KCNK13: variants seen among roughly 807,000 people sequenced by gnomAD.
The protein encoded by KCNK13 is potassium channel subfamily K member 13.
Under a neutral mutation model 23.4 loss-of-function variants are expected in KCNK13, and 12 were observed. The ratio of observed to expected loss-of-function variants is 0.51; its 90% CI spans 0.33 to 0.83. The LOEUF (loss-of-function observed/expected upper bound fraction) is 0.83. Among genes scored for constraint, KCNK13 ranks in the 40% least tolerant of loss-of-function variants. The pLI is 0.02. For missense variants in KCNK13, 463 were observed against 556.3 expected, an observed-to-expected ratio of 0.83 and a Z score of 1.69; for synonymous variants, 231 against 229.5, an observed-to-expected ratio of 1.01 and a Z score of -0.06.
intron 1 of KCNK13, among the ~76,000 whole-genome samples, chr14:90,087,127 TAC>T (rs1188080349): frequency 2.7e-3 from 231 of 85,900 alleles, no homozygotes; most frequent in Middle Eastern, 0.02. Context: ...CATATATATA[TAC>T]ATATATATAT....
intron 1 of KCNK13, among the ~76,000 whole-genome samples, chr14:90,103,009 C>T (rs1889500284): frequency 6.6e-6 from 1 of 152,170 alleles, no homozygotes; most frequent in African/African-American, 2.4e-5. Context: ...TTAGCTCCCA[C>T]TTATAAGTGA....
intron 1 of KCNK13, among the ~76,000 whole-genome samples, chr14:90,161,139 A>G (rs2140438586): frequency 6.6e-6 from 1 of 152,314 alleles, no homozygotes; most frequent in Admixed American, 6.5e-5. Context: ...ATTCTGATCC[A>G]TGCTATAACA....
chr14:90,121,350 T>C (rs1889736778), intron 1 of KCNK13, among the ~76,000 whole-genome samples: 1 of 152,214 alleles, frequency 6.6e-6, no homozygotes, highest in Non-Finnish European at 1.5e-5. Flanking sequence ...TTTGCCTCCC[T>C]GTAAGCACCG....
chr14:90,137,209 A>G (rs1213773889), intron 1 of KCNK13, among the ~76,000 whole-genome samples: 1 of 152,198 alleles, frequency 6.6e-6, no homozygotes, highest in Non-Finnish European at 1.5e-5. Flanking sequence ...ATTTCCTGCT[A>G]GTAACAAGGT....
At chr14:90,096,782 C>T (rs1889415874) in intron 1 of KCNK13, among the ~76,000 whole-genome samples, 2 of 152,226 alleles carry the variant, frequency 1.3e-5, no homozygotes, top group African/African-American at 4.8e-5. Flanking sequence ...GCCTTTGCTT[C>T]TCTCTTTCTT....
intron 1 of KCNK13, among the ~76,000 whole-genome samples, chr14:90,124,179 C>G (rs528288499): frequency 2.6e-5 from 4 of 152,186 alleles, no homozygotes; most frequent in African/African-American, 9.7e-5. Flanking sequence ...TGTGCGTCTC[C>G]GGTTAATGTG....
At chr14:90,121,540 G>A (rs1205214284) in intron 1 of KCNK13, among the ~76,000 whole-genome samples, 1 of 151,992 alleles carries the variant, frequency 6.6e-6, no homozygotes, top group Non-Finnish European at 1.5e-5. Flanking sequence ...CTTTATTGTT[G>A]GCTGTTTTAT....
intron 1 of KCNK13, among the ~76,000 whole-genome samples, chr14:90,100,317 A>T (rs1205112881): frequency 2.0e-5 from 3 of 152,226 alleles, no homozygotes; most frequent in African/African-American, 4.8e-5. Context: ...TGACCTATTT[A>T]TCACTGGCCA....
chr14:90,101,896 T>C (rs556196048), intron 1 of KCNK13, among the ~76,000 whole-genome samples: 1 of 151,926 alleles, frequency 6.6e-6, no homozygotes, highest in South Asian at 2.1e-4. Flanking sequence ...ATTTTCTTTT[T>C]TTTTTAAACG....
chr14:90,167,335 A>ATAT, intron 1 of KCNK13, among the ~76,000 whole-genome samples: 1 of 152,244 alleles, frequency 6.6e-6, no homozygotes, highest in Non-Finnish European at 1.5e-5. Context: ...TGCTTTTCTC[A>ATAT]CCACCAGGTA....
intron 1 of KCNK13, among the ~76,000 whole-genome samples, chr14:90,112,194 C>T (rs926463968): frequency 2.0e-5 from 3 of 152,174 alleles, no homozygotes; most frequent in African/African-American, 4.8e-5. Flanking sequence ...GTATCTCTAG[C>T]GATGCCATTT....
At chr14:90,142,206 A>G (rs1402364935) in intron 1 of KCNK13, among the ~76,000 whole-genome samples, 4 of 150,930 alleles carry the variant, frequency 2.7e-5, no homozygotes, top group Non-Finnish European at 5.9e-5. Context: ...ATTGCACAAT[A>G]TATGTTCTTT....
At chr14:90,165,951 G>A (rs1387984245) in intron 1 of KCNK13, among the ~76,000 whole-genome samples, 1 of 152,190 alleles carries the variant, frequency 6.6e-6, no homozygotes, top group Non-Finnish European at 1.5e-5. Flanking sequence ...TTCCCATGCA[G>A]CCGATTTTTG....
intron 1 of KCNK13, among the ~76,000 whole-genome samples, chr14:90,092,091 T>A (rs1022176376): frequency 2.0e-5 from 3 of 152,032 alleles, no homozygotes; most frequent in East Asian, 1.9e-4. Context: ...CTGGCTAATT[T>A]TTTTTATTTT....
At position 90,159,065 on chromosome 14, in the gene KCNK13, A is replaced by G. The variant is rs189269031; in HGVS notation, c.335-25046A>G. The stretch of plus-strand genomic sequence containing the variant: ...TTGCAGTTCTGGGGCTGGAAAGTCC[A>G]AGGTTGAGTGGCTGGCATCAGGCAA... On this transcript the variant is annotated intron_variant, in intron 1 of 1. Transcript: ENST00000282146. Among the ~76,000 whole-genome samples the G allele has an allele frequency of 5.3e-5, 8 of 152,358 alleles. No homozygotes were observed. The East Asian group carries it at 9.6e-4, about 18-fold the overall frequency.
intron 1 of KCNK13, among the ~76,000 whole-genome samples, chr14:90,150,172 G>A (rs1890119568): frequency 6.6e-6 from 1 of 152,236 alleles, no homozygotes; most frequent in Non-Finnish European, 1.5e-5. Flanking sequence ...AAAGAAGGGA[G>A]TGGAAAACTG....
intron 1 of KCNK13, among the ~76,000 whole-genome samples, chr14:90,077,367 C>T (rs1416814342): frequency 3.3e-5 from 5 of 152,078 alleles, no homozygotes; most frequent in African/African-American, 9.7e-5. Context: ...GTGATCCGCC[C>T]GCCTCGGCCT....
chr14:90,148,250 C>T (rs1890096313), intron 1 of KCNK13, among the ~76,000 whole-genome samples: 1 of 152,158 alleles, frequency 6.6e-6, no homozygotes, highest in African/African-American at 2.4e-5. Context: ...CCTGCCCATT[C>T]TTGCCGTAGC....
At chr14:90,070,052 A>G (rs1275018286) in intron 1 of KCNK13, among the ~76,000 whole-genome samples, 2 of 152,262 alleles carry the variant, frequency 1.3e-5, no homozygotes, top group African/African-American at 4.8e-5. Flanking sequence ...CTGGGAAATC[A>G]TATCATACAT....
Sources: gnomAD v4.1 joint callset for allele counts (sites outside exome capture counted in the v4.1 genomes callset) on GRCh38, gnomAD v4.1.1 for gene constraint, MANE v1.5 for transcripts, NCBI Gene and HGNC (gene_info 2026-07-23, HGNC 2026-07-21) for gene names.